PDE3A: variants seen among roughly 807,000 people sequenced by gnomAD.
PDE3A encodes the protein phosphodiesterase 3A.
A neutral mutation model predicts 98.3 loss-of-function variants in PDE3A; 43 were observed. The ratio of observed to expected loss-of-function variants is 0.44; its 90% CI spans 0.34 to 0.56. The LOEUF is 0.56. Ranked by LOEUF, PDE3A falls within the 20% of genes least tolerant of loss-of-function variation. The probability of loss-of-function intolerance (pLI) is 0.01; values close to 1 mark genes in which losing one functional copy is unlikely to be tolerated. For synonymous variants in PDE3A, 663 were observed against 567.9 expected (o/e 1.17, Z -2.38); for missense variants, 1,427 against 1,440.7 (o/e 0.99, Z 0.15).
At chr12:20,631,481 T>C (rs1327137471) in intron 6 of PDE3A, among the ~76,000 whole-genome samples, 2 of 152,166 alleles carry the variant, frequency 1.3e-5, no homozygotes, top group African/African-American at 4.8e-5. Flanking sequence ...GGATCGAATG[T>C]TTGGCAGAAC....
At position 20,687,767 on chromosome 12, in the gene PDE3A, AG is replaced by A. The variant is rs1162562920; in HGVS notation, c.*7498del. ...TCTCCCTGGCTTTCTATAATATATT[AG>A]GATATGTGACTGAAGGAAATTTAAT... is the stretch of plus-strand genomic sequence containing the variant. On this transcript the variant is annotated 3_prime_UTR_variant, in exon 16 of 16. Coordinates refer to ENST00000359062, the MANE Select transcript of PDE3A (RefSeq NM_000921.5). 2.0e-5 allele frequency among the ~76,000 whole-genome samples: 3 copies of A among 151,974 alleles called. No individual in the cohort carries two copies. The highest frequency in any genetic ancestry group is 2.0e-4 in the Admixed American group (3 of 15,234).
At chr12:20,624,607 T>G in intron 5 of PDE3A, among the ~76,000 whole-genome samples, 1 of 152,164 alleles carries the variant, frequency 6.6e-6, no homozygotes, top group East Asian at 1.9e-4. Flanking sequence ...TTGGAGTGGA[T>G]TTTGCATTGT....
At chr12:20,479,262 A>C (rs1673012036) in intron 1 of PDE3A, among the ~76,000 whole-genome samples, 1 of 152,232 alleles carries the variant, frequency 6.6e-6, no homozygotes, top group African/African-American at 2.4e-5. Context: ...AAGCTGTATC[A>C]AATGTAGTGT....
Position 20,680,661 on chromosome 12 carries a change from G to A in PDE3A, c.*390G>A, listed in dbSNP as rs1398999383. ...TTAAGATATATATATAGTGGTCACTGTGATATAATAAATCATAAAGGAAAC... is the reference window on the plus strand; with the variant it reads ...TTAAGATATATATATAGTGGTCACTATGATATAATAAATCATAAAGGAAAC... On this transcript the variant is annotated 3_prime_UTR_variant, in exon 16 of 16. Transcript: ENST00000359062. 6.4e-6 allele frequency: 1 copy of A among 155,140 alleles called. No individual in the cohort carries two copies. The highest frequency in any genetic ancestry group is 1.4e-5 in the Non-Finnish European group (1 of 69,860). 9.6% of individuals were successfully genotyped at this position (155,140 alleles called of 1,614,324 possible).
intron 1 of PDE3A, among the ~76,000 whole-genome samples, chr12:20,426,186 A>G (rs1201755589): frequency 6.6e-6 from 1 of 152,160 alleles, no homozygotes; most frequent in Non-Finnish European, 1.5e-5. Flanking sequence ...GGATTATCTC[A>G]CATATTTATC....
rs539350228 is a variant in PDE3A at position 20,580,951 on chromosome 12, A to C, written c.1011+24241A>C. On this transcript the variant is annotated intron_variant, in intron 2 of 15. Coordinates refer to ENST00000359062, the MANE Select transcript of PDE3A (RefSeq NM_000921.5). ...TGGTGAAATATGAATAGTAAATGGAAGAATGACATGTCCTCCGCCTGCTTT... is the reference window on the plus strand; with the variant it reads ...TGGTGAAATATGAATAGTAAATGGACGAATGACATGTCCTCCGCCTGCTTT... 9.2e-5 allele frequency among the ~76,000 whole-genome samples: 14 copies of C among 152,328 alleles called. No homozygotes were observed. The South Asian group carries it at 2.3e-3, about 25-fold the overall frequency.
At chr12:20,668,569 G>T (rs1212757403) in intron 15 of PDE3A, among the ~76,000 whole-genome samples, 1 of 152,154 alleles carries the variant, frequency 6.6e-6, no homozygotes. Context: ...TAACTGGGAG[G>T]CACCCCCCAG....
intron 15 of PDE3A, among the ~76,000 whole-genome samples, chr12:20,668,484 G>C (rs535802955): frequency 6.6e-6 from 1 of 152,150 alleles, no homozygotes; most frequent in Non-Finnish European, 1.5e-5. Context: ...GGTTCTCCCA[G>C]CATGCAGCTG....
At chr12:20,497,478 A>G (rs922849536) in intron 1 of PDE3A, among the ~76,000 whole-genome samples, 2 of 151,864 alleles carry the variant, frequency 1.3e-5, no homozygotes, top group Admixed American at 6.6e-5. Context: ...TGTTTCTGCT[A>G]TAACGTGATT....
At chr12:20,591,376 T>C (rs2121377290) in intron 2 of PDE3A, among the ~76,000 whole-genome samples, 1 of 152,334 alleles carries the variant, frequency 6.6e-6, no homozygotes, top group East Asian at 1.9e-4. Flanking sequence ...TACCTTAGGG[T>C]CAAACTGTCA....
At chr12:20,663,132 T>C (rs953716305) in intron 15 of PDE3A, among the ~76,000 whole-genome samples, 1 of 152,060 alleles carries the variant, frequency 6.6e-6, no homozygotes, top group Admixed American at 6.6e-5. Context: ...GTTAGGTCTG[T>C]GGTGTGCAGA....
At chr12:20,413,916 T>C (rs1944377659) in intron 1 of PDE3A, among the ~76,000 whole-genome samples, 1 of 152,140 alleles carries the variant, frequency 6.6e-6, no homozygotes, top group Admixed American at 6.6e-5. Context: ...CGTTTAGTAA[T>C]AGTTTTAAAC....
At chr12:20,621,091 C>A (rs1944123398) in intron 4 of PDE3A, among the ~76,000 whole-genome samples, 1 of 151,990 alleles carries the variant, frequency 6.6e-6, no homozygotes, top group Admixed American at 6.6e-5. Flanking sequence ...TGATGAGTAA[C>A]TGCTATATCC....
rs147474369 is a variant in PDE3A at position 20,667,129 on chromosome 12, T to A, written c.3185-12901T>A. Among the ~76,000 whole-genome samples the A allele has an allele frequency of 1.2e-4, 18 of 152,302 alleles. No individual in the cohort carries two copies. The East Asian group carries it at 3.5e-3, about 29-fold the overall frequency. On this transcript the variant is annotated intron_variant, in intron 15 of 15. Coordinates refer to ENST00000359062, the MANE Select transcript of PDE3A (RefSeq NM_000921.5). ...CCACTTTTTAATAGAATTTTTTTGT[T>A]TTTGTTTTTTAACTGTTGCTTGATT...
chr12:20,521,135 GTT>G (rs11289147), intron 1 of PDE3A, among the ~76,000 whole-genome samples: 3,053 of 127,072 alleles, frequency 0.024, 94 homozygotes, highest in African/African-American at 0.078. Flanking sequence ...CTCCTGGAGT[GTT>G]TTTTTTTTTT....
chr12:20,501,932 C>A (rs1051083002), intron 1 of PDE3A, among the ~76,000 whole-genome samples: 4 of 152,092 alleles, frequency 2.6e-5, no homozygotes, highest in Non-Finnish European at 2.9e-5. Flanking sequence ...TATACAGACT[C>A]ATTCTGATTT....
chr12:20,678,774 G>A (rs1945699206), intron 15 of PDE3A, among the ~76,000 whole-genome samples: 2 of 152,166 alleles, frequency 1.3e-5, no homozygotes, highest in Admixed American at 1.3e-4. Context: ...TATCTCAGGG[G>A]AGGACTCAGG....
intron 2 of PDE3A, among the ~76,000 whole-genome samples, chr12:20,610,559 C>G (rs572350751): frequency 4.6e-5 from 7 of 152,042 alleles, no homozygotes; most frequent in Non-Finnish European, 8.8e-5. Context: ...ATAAAGATAT[C>G]TGCACTCTCA....
chr12:20,674,847 G>C (rs1945592579), intron 15 of PDE3A, among the ~76,000 whole-genome samples: 1 of 151,684 alleles, frequency 6.6e-6, no homozygotes, highest in Admixed American at 6.6e-5. Flanking sequence ...TTCTTGGTTA[G>C]TCTAGCTAGT....
Sources: allele counts gnomAD v4.1 joint callset (sites outside exome capture counted in the v4.1 genomes callset), GRCh38; gene constraint gnomAD v4.1.1; transcripts MANE v1.5; gene names NCBI Gene and HGNC (gene_info 2026-07-23, HGNC 2026-07-21).